The following THOC2 variants were observed in gnomAD, a reference collection of about 807,000 sequenced individuals.
The protein encoded by THOC2 is THO complex subunit 2.
A neutral mutation model predicts 128.4 loss-of-function variants in THOC2; 10 were observed. That is an observed-to-expected ratio of 0.08 (90% CI 0.05 to 0.13). THOC2 has a LOEUF of 0.13. THOC2 is among the 10% of genes least tolerant of loss of function. The pLI, the probability that THOC2 is intolerant of heterozygous loss-of-function variation, is 1.00. For missense variants in THOC2, 535 were observed against 1,155.7 expected (o/e 0.46, Z 7.79); for synonymous variants, 393 against 396.9 (o/e 0.99, Z 0.12).
intron 36 of THOC2, among the ~76,000 whole-genome samples, chrX:123,612,986 C>A (rs978704855): frequency 1.8e-5 from 2 of 111,469 alleles, no homozygotes; most frequent in Non-Finnish European, 3.8e-5. Context: ...TAGGAGAAAA[C>A]GTTACAAAAA....
intron 12 of THOC2, among the ~76,000 whole-genome samples, chrX:123,657,990 TG>T: frequency 9.1e-6 from 1 of 109,969 alleles, no homozygotes; most frequent in Non-Finnish European, 1.9e-5. Context: ...TGTGTGTGTG[TG>T]TGTGTGTGTG....
At chrX:123,653,327 G>A (rs1246478805) in intron 12 of THOC2, among the ~76,000 whole-genome samples, 1 of 111,809 alleles carries the variant, frequency 8.9e-6, no homozygotes, top group Non-Finnish European at 1.9e-5. Context: ...AACCCTAGAA[G>A]AAAATTTAGG....
At chrX:123,664,162 TTTCTTG>T (rs2048959826) in intron 12 of THOC2, among the ~76,000 whole-genome samples, 1 of 112,178 alleles carries the variant, frequency 8.9e-6, no homozygotes, top group Admixed American at 9.5e-5. Context: ...TCAAATGGTA[TTTCTTG>T]TTCTAGATCC....
intron 3 of THOC2, among the ~76,000 whole-genome samples, chrX:123,706,367 T>C (rs1475143890): frequency 9.1e-6 from 1 of 110,089 alleles, no homozygotes; most frequent in Non-Finnish European, 1.9e-5. Flanking sequence ...GACACCTTAA[T>C]TTCTTCTTTT....
intron 1 of THOC2, among the ~76,000 whole-genome samples, chrX:123,714,304 G>A (rs2051316662): frequency 1.8e-5 from 2 of 112,120 alleles, no homozygotes; most frequent in African/African-American, 6.5e-5. Flanking sequence ...TACAAGAAAC[G>A]TGTTTTAAAT....
intron 7 of THOC2, among the ~76,000 whole-genome samples, chrX:123,693,323 G>A (rs761495273): frequency 9.9e-5 from 11 of 111,428 alleles, no homozygotes; most frequent in Non-Finnish European, 2.1e-4. Context: ...AAAAATAGCT[G>A]GGCATGGTGG....
chrX:123,649,089 C>G (rs1305517632), intron 12 of THOC2, among the ~76,000 whole-genome samples: 2 of 111,945 alleles, frequency 1.8e-5, no homozygotes, highest in Non-Finnish European at 3.8e-5. Flanking sequence ...CTGGCGGGTG[C>G]CCCTCTAGGA....
rs771755846 is a variant in THOC2, at chrX:123,665,901, TAC to T, written c.1191-66_1191-65del. On this transcript the variant is annotated intron_variant, in intron 11 of 38. Transcript: ENST00000245838. ...TAAGTATATAATAAATATAACTATATACACACACACTACAATATCTACCATTT... is the reference window on the plus strand; with the variant it reads ...TAAGTATATAATAAATATAACTATATACACACACTACAATATCTACCATTT... 102 of 603,913 alleles carry T rather than the reference TAC, an allele frequency of 1.7e-4. No homozygotes were observed. The East Asian group carries it at 4.0e-3, about 24-fold the overall frequency. The allele number at this position is 603,913 out of a possible 1,213,427, so 49.8% of individuals were successfully genotyped here. A position where few individuals can be genotyped will look rare whatever the true frequency, so the allele number is the denominator to read the frequency against.
intron 1 of THOC2, among the ~76,000 whole-genome samples, chrX:123,720,532 C>T (rs969988181): frequency 2.7e-5 from 3 of 111,654 alleles, no homozygotes; most frequent in Admixed American, 9.6e-5. Context: ...AGTAGAGCTA[C>T]CAAATGATCC....
At chrX:123,729,670 G>A (rs768066328) in intron 1 of THOC2, among the ~76,000 whole-genome samples, 22 of 112,069 alleles carry the variant, frequency 2.0e-4, no homozygotes, top group Non-Finnish European at 3.2e-4. Context: ...TTCACCCAAG[G>A]TATAATTTTA....
chrX:123,625,889 T>C lies in THOC2; in HGVS notation c.3057+23A>G. ...TAGCTATCTTTGTGTGAGAACTTTT[T>C]AAAGGTTGCAATAAAAACTTACTCG... On this transcript the variant is annotated intron_variant, in intron 25 of 38. Coordinates refer to ENST00000245838, the MANE Select transcript of THOC2 (RefSeq NM_001081550.2). 3 of 1,198,570 alleles carry C rather than the reference T, an allele frequency of 2.5e-6. No individual in the cohort carries two copies. The South Asian group carries it at 5.5e-5, about 22-fold the overall frequency.
chrX:123,697,034 G>A (rs1434169915), intron 5 of THOC2, among the ~76,000 whole-genome samples, 192 bp from the exon 6 acceptor site: 2 of 111,458 alleles, frequency 1.8e-5, no homozygotes, highest in African/African-American at 3.3e-5. Flanking sequence ...TTTAATAAAC[G>A]GCTTTCAAAA....
At chrX:123,632,665 T>C (rs1224839265) in intron 21 of THOC2, among the ~76,000 whole-genome samples, 196 bp downstream of exon 21, 2 of 111,073 alleles carry the variant, frequency 1.8e-5, no homozygotes, top group Non-Finnish European at 3.8e-5. Flanking sequence ...CAGCCTTACA[T>C]ATAACATCTC....
Position 123,624,207 on chromosome X carries a change from T to C in THOC2, c.3187-16A>G, listed in dbSNP as rs766501443. 2.6e-6 allele frequency: 3 copies of C among 1,160,750 alleles called. No individual in the cohort carries two copies. Among genetic ancestry groups the C allele is most frequent in the South Asian group, 2.0e-5 (1 of 49,011 alleles). On this transcript the variant is annotated splice_polypyrimidine_tract_variant and intron_variant, in intron 26 of 38. Coordinates refer to ENST00000245838, the MANE Select transcript of THOC2 (RefSeq NM_001081550.2). ...TTCCACATTCCTAAGGAAACAATGTTTGTCACTTTTAAAGAAAAATTATGA... is the reference window on the plus strand; with the variant it reads ...TTCCACATTCCTAAGGAAACAATGTCTGTCACTTTTAAAGAAAAATTATGA...
At chrX:123,725,574 C>T (rs2051924906) in intron 1 of THOC2, among the ~76,000 whole-genome samples, 1 of 100,978 alleles carries the variant, frequency 9.9e-6, no homozygotes, top group African/African-American at 3.7e-5. Flanking sequence ...TACCACTGCA[C>T]TCCAGCCTGG....
At chrX:123,617,221 C>G (rs2046929395) in intron 33 of THOC2, among the ~76,000 whole-genome samples, 1 of 111,194 alleles carries the variant, frequency 9.0e-6, no homozygotes, top group Non-Finnish European at 1.9e-5. Context: ...GAGATCACTT[C>G]AAGTATTTAT....
At chrX:123,639,146 G>A (rs915855054) in intron 16 of THOC2, 119 bp from the exon 17 acceptor site, 6 of 323,165 alleles carry the variant, frequency 1.9e-5, no homozygotes, top group Non-Finnish European at 2.8e-5. Context: ...AATTAAAGTG[G>A]TTTCCTATAT....
At chrX:123,615,077 A>C (rs1229667901) in intron 33 of THOC2, among the ~76,000 whole-genome samples, 1 of 111,384 alleles carries the variant, frequency 9.0e-6, no homozygotes, top group Non-Finnish European at 1.9e-5. Flanking sequence ...CAGATACCTA[A>C]CCTTACGGCA....
chrX:123,732,556 A>C (rs1486572329), intron 1 of THOC2, among the ~76,000 whole-genome samples: 1 of 112,166 alleles, frequency 8.9e-6, no homozygotes, highest in Non-Finnish European at 1.9e-5. Flanking sequence ...AGAGTGAAGA[A>C]ATGGCACAGA....
Sources: allele counts gnomAD v4.1 joint callset (sites outside exome capture counted in the v4.1 genomes callset), GRCh38; gene constraint gnomAD v4.1.1; transcripts MANE v1.5; gene names NCBI Gene and HGNC (gene_info 2026-07-23, HGNC 2026-07-21).